The following SPAG16 variants were observed in gnomAD, a reference collection of about 807,000 sequenced individuals.
SPAG16 encodes sperm-associated antigen 16 protein.
Under a neutral mutation model 80.4 loss-of-function variants are expected in SPAG16, and 86 were observed. The observed-to-expected ratio is 1.07, with a 90% CI of 0.90 to 1.28. The LOEUF (loss-of-function observed/expected upper bound fraction) is 1.28. SPAG16 is among the 50% of genes most tolerant of loss of function. The probability of loss-of-function intolerance (pLI) is 0.00; values close to 1 mark genes in which losing one functional copy is unlikely to be tolerated. For synonymous variants in SPAG16, 294 were observed against 265.9 expected, an observed-to-expected ratio of 1.11 and a Z score of -1.03; for missense variants, 870 against 765.3, an observed-to-expected ratio of 1.14 and a Z score of -1.61.
intron 10 of SPAG16, among the ~76,000 whole-genome samples, chr2:213,784,710 A>G (rs2070227037): frequency 1.3e-5 from 2 of 151,154 alleles, no homozygotes; most frequent in African/African-American, 2.4e-5. Flanking sequence ...AGAGATTCCA[A>G]TATAATGGAA....
At chr2:214,014,499 T>C (rs1167511754) in intron 13 of SPAG16, among the ~76,000 whole-genome samples, 1 of 152,188 alleles carries the variant, frequency 6.6e-6, no homozygotes, top group African/African-American at 2.4e-5. Context: ...GGAGGATTCA[T>C]ATCTGCTGGA....
chr2:214,015,161 G>C (rs1264721665), intron 13 of SPAG16, among the ~76,000 whole-genome samples: 3 of 152,192 alleles, frequency 2.0e-5, no homozygotes, highest in Non-Finnish European at 4.4e-5. Context: ...ACATCGGAAG[G>C]TGAAGTGGAG....
At chr2:213,504,360 A>T (rs532759974) in intron 10 of SPAG16, among the ~76,000 whole-genome samples, 1 of 152,228 alleles carries the variant, frequency 6.6e-6, no homozygotes, top group Non-Finnish European at 1.5e-5. Flanking sequence ...ACATCTTTAA[A>T]TTTTAATCAG....
intron 9 of SPAG16, among the ~76,000 whole-genome samples, chr2:213,399,536 A>G (rs759770476): frequency 1.3e-5 from 2 of 151,966 alleles, no homozygotes; most frequent in Non-Finnish European, 2.9e-5. Flanking sequence ...ATCATGTGTT[A>G]TTTGAGTTAC....
intron 10 of SPAG16, among the ~76,000 whole-genome samples, chr2:213,730,571 G>A (rs144295802): frequency 1.1e-3 from 163 of 152,014 alleles, no homozygotes; most frequent in African/African-American, 3.7e-3. Context: ...TCTTATTATC[G>A]TTTCTCTATA....
intron 10 of SPAG16, among the ~76,000 whole-genome samples, chr2:213,587,383 A>G (rs1304530960): frequency 6.6e-6 from 1 of 152,134 alleles, no homozygotes; most frequent in African/African-American, 2.4e-5. Context: ...ACCTGGGTCA[A>G]TTGAGGAGTA....
At chr2:214,231,144 TGCTTA>T (rs1425720350) in intron 15 of SPAG16, among the ~76,000 whole-genome samples, 1 of 151,942 alleles carries the variant, frequency 6.6e-6, no homozygotes, top group Non-Finnish European at 1.5e-5. Context: ...CCCAGAACAG[TGCTTA>T]ATGGAAACAA....
chr2:213,295,260 A>G (rs544764645), intron 1 of SPAG16, among the ~76,000 whole-genome samples: 6 of 152,246 alleles, frequency 3.9e-5, no homozygotes, highest in South Asian at 2.1e-4. Flanking sequence ...AACAACAACA[A>G]CAAGCATTGC....
rs1250985764 is a variant in SPAG16, at chr2:213,642,628, C to T, written c.1070+152538C>T. Among the ~76,000 whole-genome samples the T allele has an allele frequency of 5.8e-5, 3 of 51,390 alleles. 1 individual carries two copies. Among genetic ancestry groups the T allele is most frequent in the Non-Finnish European group, 1.2e-4 (3 of 25,726 alleles). The allele number at this position is 51,390 out of a possible 152,430, so 33.7% of individuals were successfully genotyped here. ...TGTGAAAAGAGAGACTGGTCTACCC[C>T]GGCTAAAATGGTGAAACCCCGTCTC... On this transcript the variant is annotated intron_variant, in intron 10 of 15. Coordinates refer to ENST00000331683, the MANE Select transcript of SPAG16 (RefSeq NM_024532.5).
intron 10 of SPAG16, among the ~76,000 whole-genome samples, chr2:213,811,294 A>G (rs1027576900): frequency 1.1e-4 from 17 of 152,186 alleles, no homozygotes; most frequent in African/African-American, 4.1e-4. Context: ...AAGACCAATA[A>G]TTAGGTTCCA....
chr2:213,543,183 G>A (rs75447442), intron 10 of SPAG16, among the ~76,000 whole-genome samples: 6,924 of 152,020 alleles, frequency 0.046, 234 homozygotes, highest in Middle Eastern at 0.088. Context: ...AGAAGAAATC[G>A]ATGAGCTAAA....
rs572036729 is a variant in SPAG16, at chr2:213,885,363, T to A, written c.1214+22735T>A. ...TAGTATTTGTAGCCATGAACTATAG[T>A]GTGTTGGGAAGAGAGTTCACCTCCT... On this transcript the variant is annotated intron_variant, in intron 11 of 15. Coordinates refer to ENST00000331683, the MANE Select transcript of SPAG16 (RefSeq NM_024532.5). Among the ~76,000 whole-genome samples, 49 of 152,274 alleles carry A rather than the reference T, an allele frequency of 3.2e-4. 1 individual carries two copies. The highest frequency in any genetic ancestry group is 2.6e-3 in the Admixed American group (40 of 15,278).
In SPAG16 at chr2:213,456,400, A is replaced by G. The variant is rs998923036; in HGVS notation, c.943-33563A>G. ...CTTATTCAGTGTGTGTGGCTAGGGA[A>G]ACAGTTTCAATGGCTAACAAGTGAA... On this transcript the variant is annotated intron_variant, in intron 9 of 15. Transcript: ENST00000331683. 2.6e-5 allele frequency among the ~76,000 whole-genome samples: 4 copies of G among 152,214 alleles called. No individual in the cohort carries two copies. The East Asian group carries it at 5.8e-4, about 22-fold the overall frequency.
chr2:213,932,561 G>A (rs1471792673), intron 12 of SPAG16, among the ~76,000 whole-genome samples: 1 of 152,100 alleles, frequency 6.6e-6, no homozygotes, highest in Non-Finnish European at 1.5e-5. Flanking sequence ...TTAGTCACCA[G>A]AGAAGGAAGA....
chr2:214,167,762 A>T (rs983172635), intron 15 of SPAG16, among the ~76,000 whole-genome samples: 2 of 151,522 alleles, frequency 1.3e-5, no homozygotes, highest in Non-Finnish European at 1.5e-5. Flanking sequence ...TAAAATCACT[A>T]TATAATATAT....
chr2:214,173,960 A>G (rs1576416143), intron 15 of SPAG16, among the ~76,000 whole-genome samples: 2 of 151,726 alleles, frequency 1.3e-5, no homozygotes, highest in Admixed American at 6.6e-5. Context: ...TATAAACAGA[A>G]CCAAAGACAA....
chr2:213,356,458 T>C (rs62001971), intron 7 of SPAG16, among the ~76,000 whole-genome samples: 5 of 152,234 alleles, frequency 3.3e-5, no homozygotes, highest in Non-Finnish European at 7.3e-5. Flanking sequence ...ATTCAACTTC[T>C]TCCTAGTTTA....
chr2:214,216,384 C>T (rs1432977798), intron 15 of SPAG16, among the ~76,000 whole-genome samples: 3 of 152,092 alleles, frequency 2.0e-5, no homozygotes, highest in East Asian at 3.9e-4. Flanking sequence ...TGCAGTGGCA[C>T]GATCTCAGCT....
chr2:213,543,482 C>A (rs920222329), intron 10 of SPAG16, among the ~76,000 whole-genome samples: 1 of 151,946 alleles, frequency 6.6e-6, no homozygotes, highest in Non-Finnish European at 1.5e-5. Flanking sequence ...TTATTCAGAT[C>A]TTTCCCCATT....
Sources: gnomAD v4.1 joint callset for allele counts (sites outside exome capture counted in the v4.1 genomes callset) on GRCh38, gnomAD v4.1.1 for gene constraint, MANE v1.5 for transcripts, NCBI Gene and HGNC (gene_info 2026-07-23, HGNC 2026-07-21) for gene names.